The following NPAS1 variants were observed in gnomAD, a reference collection of about 807,000 sequenced individuals.
NPAS1 encodes the protein neuronal PAS domain protein 1.
In NPAS1, 29 loss-of-function variants were observed where a neutral mutation model predicts 49.2. That is an observed-to-expected ratio of 0.59 (90% confidence interval 0.44 to 0.80). The LOEUF is 0.80. Ranked by LOEUF, NPAS1 falls within the 30% of genes least tolerant of loss-of-function variation. NPAS1 has a pLI of 0.00. For synonymous variants in NPAS1, 408 were observed against 380.4 expected (o/e 1.07, Z -0.84); for missense variants, 825 against 835.5 (o/e 0.99, Z 0.15).
At position 47,039,545 on chromosome 19, in the gene NPAS1, A is replaced by T. The variant is rs2056996793; in HGVS notation, c.943A>T (p.Ile315Phe). The change falls in exon 8 of 12, where the codon ATC (isoleucine) becomes TTC (phenylalanine). Residue 315 changes from isoleucine (I) to phenylalanine (F), a missense_variant. Ile to Phe is a conservative substitution (Grantham distance 21). Transcript: ENST00000602212. The part of the protein sequence containing the change: ...IVFRLSLGLT[I>F]LACESRVSDH... Reference sequence around the variant, plus strand: ...CTTCCGTCTCAGCCTGGGTCTCACCATCCTTGCTTGTGAGAGCAGGTACCG... The same window carrying T: ...CTTCCGTCTCAGCCTGGGTCTCACCTTCCTTGCTTGTGAGAGCAGGTACCG... 1 of 1,583,680 alleles carries T rather than the reference A, an allele frequency of 6.3e-7. No homozygotes were observed. The highest frequency in any genetic ancestry group is 1.4e-5 in the African/African-American group (1 of 73,924).
At chr19:47,025,959 A>T (rs1342936443) in intron 3 of NPAS1, among the ~76,000 whole-genome samples, 1 of 149,694 alleles carries the variant, frequency 6.7e-6, no homozygotes, top group Non-Finnish European at 1.5e-5. Flanking sequence ...GTTTTTTTTG[A>T]GACAGAGTCT....
Position 47,030,268 on chromosome 19 carries a change from C to A in NPAS1, c.359-2010C>A, listed in dbSNP as rs535236626. On this transcript the variant is annotated intron_variant, in intron 3 of 11. Coordinates refer to ENST00000602212, the MANE Select transcript of NPAS1 (RefSeq NM_002517.4). ...CAAACTCCTGACCTTGTGATCCACC[C>A]GCCTCGGCCTCCCAAAGTGCTGGGA... 3.0e-3 allele frequency among the ~76,000 whole-genome samples: 453 copies of A among 152,252 alleles called. 3 individuals are homozygous for A. Among genetic ancestry groups the A allele is most frequent in the South Asian group, 5.6e-3 (27 of 4,820 alleles).
intron 3 of NPAS1, among the ~76,000 whole-genome samples, chr19:47,022,276 ACAGTCTGAGCCCC>A (rs1318585443): frequency 6.6e-6 from 1 of 152,182 alleles, no homozygotes; most frequent in Non-Finnish European, 1.5e-5. Flanking sequence ...CAAGGACTGT[ACAGTCTGAGCCCC>A]CAGTTGGAGG....
intron 4 of NPAS1, 98 bp downstream of exon 4, chr19:47,032,449 G>C: frequency 7.4e-7 from 1 of 1,346,856 alleles, no homozygotes; most frequent in Non-Finnish European, 1.1e-6. Context: ...ATTGTGGGGG[G>C]TACCTGGACT....
chr19:47,039,687 A>C, intron 8 of NPAS1, 123 bp downstream of exon 8: 1 of 1,083,674 alleles, frequency 9.2e-7, no homozygotes, highest in Non-Finnish European at 1.3e-6. Context: ...GGGAGGCGGA[A>C]CAGCAATGGA....
intron 10 of NPAS1, among the ~76,000 whole-genome samples, chr19:47,041,846 G>C (rs560417694): frequency 6.6e-6 from 1 of 151,812 alleles, no homozygotes; most frequent in East Asian, 1.9e-4. Context: ...CCGTTACAGT[G>C]GCACGCACCT....
Position 47,045,264 on chromosome 19 carries a change from CATCAA to C in NPAS1, c.1388_1392del (p.Ile463SerfsTer147), listed in dbSNP as rs1435120235. ...AGGCCCCCCAGACCCAGGGCAAACGCATCAAAGTGGAGCCCGGCCCGAGGGAAACC... is the reference window on the plus strand; with the variant it reads ...AGGCCCCCCAGACCCAGGGCAAACGCAGTGGAGCCCGGCCCGAGGGAAACC... On this transcript the variant is annotated frameshift_variant, in exon 12 of 12. Coordinates refer to ENST00000602212, the MANE Select transcript of NPAS1 (RefSeq NM_002517.4). LOFTEE classifies it low-confidence loss of function (END_TRUNC). The C allele has an allele frequency of 1.9e-6, 3 of 1,613,916 alleles. No homozygotes were observed. The highest frequency in any genetic ancestry group is 2.5e-6 in the Non-Finnish European group (3 of 1,180,008).
At chr19:47,035,460 G>C (rs1274675227) in intron 5 of NPAS1, 1 of 154,008 alleles carries the variant, frequency 6.5e-6, no homozygotes. Flanking sequence ...TGCATTGAGG[G>C]AGGCAGGGAG....
intron 4 of NPAS1, 52 bp from the exon 5 acceptor site, chr19:47,032,591 C>T: frequency 6.6e-7 from 1 of 1,526,622 alleles, no homozygotes; most frequent in South Asian, 1.1e-5. Context: ...GGCGGCTGGA[C>T]AGAGGGACAC....
At position 47,041,099 on chromosome 19, in the gene NPAS1, TGTGCTTTGGGTCAGCCAC is replaced by T. The variant is rs2057017080; in HGVS notation, c.1197_1214del (p.Trp400_Leu405del). On this transcript the variant is annotated inframe_deletion, in exon 10 of 12. Coordinates refer to ENST00000602212, the MANE Select transcript of NPAS1 (RefSeq NM_002517.4). ...GCGGGAAGAGCCCCGGGGAGCACCATGTGCTTTGGGTCAGCCACGTGCTCAGGTGAGGGCTGTGCCCAC... is the reference window on the plus strand; with the variant it reads ...GCGGGAAGAGCCCCGGGGAGCACCATGTGCTCAGGTGAGGGCTGTGCCCAC... 6.3e-7 allele frequency: 1 copy of T among 1,595,450 alleles called. No individual in the cohort carries two copies. The highest frequency in any genetic ancestry group is 1.3e-5 in the African/African-American group (1 of 74,740).
At chr19:47,042,168 G>A (rs1185838304) in intron 10 of NPAS1, among the ~76,000 whole-genome samples, 3 of 151,924 alleles carry the variant, frequency 2.0e-5, no homozygotes, top group African/African-American at 7.3e-5. Context: ...AATTAGCTGG[G>A]CATAGTGGTG....
chr19:47,045,625 ACCAGGCTGCCGCGGAAGGG>A lies in NPAS1; in HGVS notation c.1748_1766del (p.Thr583ArgfsTer?). ...CCTGCCCTACCCGGGGCCCGCGGGCACCAGGCTGCCGCGGAAGGGGGACTGAGGACTGGCAGAGCTGCCG... is the reference window on the plus strand; with the variant it reads ...CCTGCCCTACCCGGGGCCCGCGGGCAGGACTGAGGACTGGCAGAGCTGCCG... On this transcript the variant is annotated frameshift_variant, in exon 12 of 12. Coordinates refer to ENST00000602212, the MANE Select transcript of NPAS1 (RefSeq NM_002517.4). LOFTEE classifies it high-confidence loss of function. 1 of 1,435,878 alleles carries A rather than the reference ACCAGGCTGCCGCGGAAGGG, an allele frequency of 7.0e-7. No individual in the cohort carries two copies. The highest frequency in any genetic ancestry group is 9.0e-7 in the Non-Finnish European group (1 of 1,105,924). 88.9% of individuals were successfully genotyped at this position (1,435,878 alleles called of 1,614,324 possible).
At chr19:47,035,015 G>C (rs950270625) in intron 5 of NPAS1, among the ~76,000 whole-genome samples, 38 of 150,900 alleles carry the variant, frequency 2.5e-4, no homozygotes, top group Admixed American at 6.6e-5. Flanking sequence ...AACCCCGTCT[G>C]TACTAAAAAT....
At position 47,036,128 on chromosome 19, in the gene NPAS1, C is replaced by G; in HGVS notation, c.687C>G (p.Ile229Met). The change falls in exon 6 of 12, where the codon ATC (isoleucine) becomes ATG (methionine). Residue 229 changes from isoleucine to methionine, a missense_variant and splice_region_variant. Ile to Met is a conservative substitution (Grantham distance 10, BLOSUM62 1). Coordinates refer to ENST00000602212, the MANE Select transcript of NPAS1 (RefSeq NM_002517.4). ...SSSSLADTPE[I>M]EASLTKVPPS... The stretch of plus-strand genomic sequence containing the variant: ...CTTCGCTTGCAGATACCCCCGAGAT[C>G]GGTAATTCTAAGGGCTCCTAAAGAA... The G allele has an allele frequency of 6.4e-7, 1 of 1,556,946 alleles. No individual in the cohort carries two copies. The highest frequency in any genetic ancestry group is 8.7e-7 in the Non-Finnish European group (1 of 1,150,782).
intron 1 of NPAS1, among the ~76,000 whole-genome samples, chr19:47,020,317 G>T (rs1299176950): frequency 6.6e-6 from 1 of 151,932 alleles, no homozygotes; most frequent in East Asian, 1.9e-4. Context: ...GGACACCTGG[G>T]CCCCGAGTGT....
chr19:47,027,619 C>CTGTCTGCCCCTG (rs1568501598), intron 3 of NPAS1, among the ~76,000 whole-genome samples: 406 of 38,928 alleles, frequency 0.01, 103 homozygotes, highest in East Asian at 0.019. Flanking sequence ...CCTGGTCTCC[C>CTGTCTGCCCCTG]GTCTCTCTGC....
intron 3 of NPAS1, among the ~76,000 whole-genome samples, chr19:47,024,557 T>C (rs1198548803): frequency 6.6e-6 from 1 of 152,206 alleles, no homozygotes; most frequent in East Asian, 1.9e-4. Flanking sequence ...GGCACTATTA[T>C]GATTCCCAAG....
chr19:47,028,072 TC>T (rs1179914171), intron 3 of NPAS1, among the ~76,000 whole-genome samples: 3 of 151,142 alleles, frequency 2.0e-5, no homozygotes, highest in Non-Finnish European at 4.4e-5. Flanking sequence ...GAAGAGCAGG[TC>T]CCCAAGCCCC....
intron 3 of NPAS1, among the ~76,000 whole-genome samples, chr19:47,029,841 C>T (rs1176975040): frequency 6.6e-6 from 1 of 152,194 alleles, no homozygotes. Flanking sequence ...AGATTACATA[C>T]ACAGAAGTGG....
Sources: allele counts gnomAD v4.1 joint callset (sites outside exome capture counted in the v4.1 genomes callset), GRCh38; gene constraint gnomAD v4.1.1; transcripts MANE v1.5; gene names NCBI Gene and HGNC (gene_info 2026-07-23, HGNC 2026-07-21).